DHX15: variants seen among roughly 807,000 people sequenced by gnomAD.
DHX15 encodes the protein ATP-dependent RNA helicase DHX15.
DHX15 carries 11 observed loss-of-function variants against 94.4 expected under a neutral mutation model. The observed-to-expected ratio is 0.12, with a 90% CI of 0.07 to 0.19. The LOEUF (loss-of-function observed/expected upper bound fraction) is 0.19. Among genes scored for constraint, DHX15 ranks in the 10% least tolerant of loss-of-function variants. DHX15 has a pLI of 1.00. For synonymous variants in DHX15, 338 were observed against 329.9 expected (o/e 1.02, Z -0.27); for missense variants, 304 against 988.5 (o/e 0.31, Z 9.29).
intron 10 of DHX15, chr4:24,538,363 A>T (rs1424959265): frequency 5.3e-5 from 8 of 152,168 alleles, no homozygotes; most frequent in Admixed American, 5.2e-4. Flanking sequence ...ACATGATCAT[A>T]ATAAATATTA....
At chr4:24,569,163 T>C (rs1457190859) in intron 3 of DHX15, among the ~76,000 whole-genome samples, 1 of 152,194 alleles carries the variant, frequency 6.6e-6, no homozygotes, top group Non-Finnish European at 1.5e-5. Context: ...CTGAAATATT[T>C]ATATATATAA....
chr4:24,542,239 T>C (rs1316328417), intron 7 of DHX15, among the ~76,000 whole-genome samples: 2 of 152,150 alleles, frequency 1.3e-5, no homozygotes, highest in Non-Finnish European at 2.9e-5. Flanking sequence ...CATGAAAAAC[T>C]TCTTGTCAAA....
chr4:24,536,031 T>C (rs1245963748), intron 11 of DHX15, among the ~76,000 whole-genome samples: 2 of 152,160 alleles, frequency 1.3e-5, no homozygotes, highest in African/African-American at 4.8e-5. Flanking sequence ...TCAGATCCAG[T>C]TGCAATTTCT....
intron 3 of DHX15, among the ~76,000 whole-genome samples, chr4:24,558,019 G>T (rs1721777536): frequency 6.7e-6 from 1 of 149,984 alleles, no homozygotes; most frequent in African/African-American, 2.4e-5. Context: ...TCCAACATTT[G>T]CTCAAATACT....
chr4:24,541,539 G>C (rs1417621608), intron 8 of DHX15, among the ~76,000 whole-genome samples: 1 of 151,972 alleles, frequency 6.6e-6, no homozygotes, highest in Admixed American at 6.6e-5. Context: ...TTGAAACCTA[G>C]TAACAAAAGA....
At chr4:24,542,892 G>T in intron 7 of DHX15, 48 bp downstream of exon 7, 1 of 1,349,202 alleles carries the variant, frequency 7.4e-7, no homozygotes, top group Non-Finnish European at 1.1e-6. Context: ...TTGGTTGTAA[G>T]TACTGTTAAA....
intron 3 of DHX15, among the ~76,000 whole-genome samples, chr4:24,567,801 G>T (rs1203382451): frequency 6.6e-6 from 1 of 152,112 alleles, no homozygotes; most frequent in East Asian, 1.9e-4. Context: ...AAGAAAACAG[G>T]AAAGTAAGTA....
chr4:24,558,734 C>A (rs146398195), intron 3 of DHX15, among the ~76,000 whole-genome samples: 1 of 152,034 alleles, frequency 6.6e-6, no homozygotes, highest in East Asian at 1.9e-4. Context: ...TGAATAATTT[C>A]AAGAAAAATG....
chr4:24,580,444 C>T (rs1722385104), intron 1 of DHX15, among the ~76,000 whole-genome samples: 1 of 151,180 alleles, frequency 6.6e-6, no homozygotes, highest in Non-Finnish European at 1.5e-5. Context: ...TAATAACAGG[C>T]ACTGAAGTAC....
intron 3 of DHX15, among the ~76,000 whole-genome samples, chr4:24,560,403 A>G (rs563611815): frequency 6.6e-6 from 1 of 151,154 alleles, no homozygotes; most frequent in South Asian, 2.1e-4. Flanking sequence ...AGTAAAATAC[A>G]TGGATTAAAT....
intron 6 of DHX15, among the ~76,000 whole-genome samples, chr4:24,547,897 G>GTATATATATATA (rs869284515): frequency 5.4e-5 from 3 of 55,766 alleles, no homozygotes; most frequent in Non-Finnish European, 1.0e-4. Flanking sequence ...CTCTATGTAT[G>GTATATATATATA]TATGTGTATA....
intron 1 of DHX15, 25 bp from the exon 2 acceptor site, chr4:24,576,703 G>C (rs1396299583): frequency 1.2e-6 from 2 of 1,605,516 alleles, no homozygotes; most frequent in Admixed American, 1.7e-5. Context: ...TTAGAATTCA[G>C]ATTCTGAATT....
intron 3 of DHX15, among the ~76,000 whole-genome samples, chr4:24,568,258 G>A (rs1722039852): frequency 6.6e-6 from 1 of 152,142 alleles, no homozygotes; most frequent in African/African-American, 2.4e-5. Context: ...TATGATAAGA[G>A]CTACATTTAA....
Position 24,548,996 on chromosome 4 carries a change from T to C in DHX15, c.1107A>G (p.Ile369Met). The stretch of plus-strand genomic sequence containing the variant: ...GGCCCAAATCATCAACTTCACGCTT[T>C]ATTCTCTTACAGGCTTCATCAATTT... ...QEEIDEACKR[I>M]KREVDDLGPE... The change falls in exon 6 of 14, where the codon ATA becomes ATG. Residue 369 changes from isoleucine to methionine, a missense_variant. Ile to Met is a conservative substitution (Grantham distance 10, BLOSUM62 1). Transcript: ENST00000336812. The C allele has an allele frequency of 6.2e-7, 1 of 1,613,536 alleles. No homozygotes were observed. Among genetic ancestry groups the C allele is most frequent in the Non-Finnish European group, 8.5e-7 (1 of 1,179,708 alleles).
At chr4:24,535,847 G>A (rs1027480143) in intron 11 of DHX15, among the ~76,000 whole-genome samples, 20 of 152,106 alleles carry the variant, frequency 1.3e-4, no homozygotes, top group African/African-American at 4.8e-4. Context: ...TAACTGAGAT[G>A]TTTATGAGAT....
intron 3 of DHX15, among the ~76,000 whole-genome samples, chr4:24,569,517 G>A (rs935575133): frequency 2.0e-5 from 3 of 150,634 alleles, no homozygotes; most frequent in East Asian, 2.0e-4. Context: ...GCTTGAACCC[G>A]GGAGGCGGAG....
intron 11 of DHX15, among the ~76,000 whole-genome samples, chr4:24,534,422 T>C (rs1029157290): frequency 2.6e-5 from 4 of 152,208 alleles, no homozygotes; most frequent in African/African-American, 7.2e-5. Flanking sequence ...AAATTGCAAA[T>C]CTAAGTTATT....
chr4:24,575,498 T>G (rs953652948), intron 2 of DHX15, among the ~76,000 whole-genome samples: 2 of 152,232 alleles, frequency 1.3e-5, no homozygotes, highest in African/African-American at 4.8e-5. Context: ...AATGCAATTT[T>G]TCACCTATTG....
intron 8 of DHX15, 66 bp from the exon 9 acceptor site, chr4:24,541,014 C>T: frequency 3.4e-6 from 3 of 890,490 alleles, no homozygotes; most frequent in Non-Finnish European, 5.4e-6. Context: ...TTCCAGAAAA[C>T]AAAAATCTGC....
Sources: gnomAD v4.1 joint callset for allele counts (sites outside exome capture counted in the v4.1 genomes callset) on GRCh38, gnomAD v4.1.1 for gene constraint, MANE v1.5 for transcripts, NCBI Gene and HGNC (gene_info 2026-07-23, HGNC 2026-07-21) for gene names.